The following PCDHA3 variants were observed in gnomAD, a reference collection of about 807,000 sequenced individuals.
The protein encoded by PCDHA3 is protocadherin alpha 3.
Under a neutral mutation model 62.2 loss-of-function variants are expected in PCDHA3, and 41 were observed. The observed-to-expected ratio is 0.66, with a 90% CI of 0.51 to 0.86. PCDHA3 has a LOEUF of 0.86. Ranked by LOEUF, PCDHA3 falls within the 40% of genes least tolerant of loss-of-function variation. The pLI is 0.00. For synonymous variants in PCDHA3, 640 were observed against 555.4 expected (o/e 1.15, Z -2.14); for missense variants, 1,304 against 1,241.2 (o/e 1.05, Z -0.76).
rs371780452 is a variant in PCDHA3 at position 140,802,486 on chromosome 5, G to C, written c.1289G>C (p.Gly430Ala). The change falls in exon 1 of 4, where the codon GGG becomes GCG. Residue 430 changes from glycine (G) to alanine (A), a missense_variant. By Grantham distance (60) the Gly-to-Ala change is moderately conservative. Coordinates refer to ENST00000522353, the MANE Select transcript of PCDHA3 (RefSeq NM_018906.3). Reference protein sequence around the residue: ...AYELVVTARDGGSPSLWATAS... With the variant: ...AYELVVTARDAGSPSLWATAS... Reference sequence around the variant, plus strand: ...GAGCTGGTGGTGACTGCTCGGGACGGGGGCTCGCCTTCACTGTGGGCCACG... The same window carrying C: ...GAGCTGGTGGTGACTGCTCGGGACGCGGGCTCGCCTTCACTGTGGGCCACG... 5 of 1,614,048 alleles carry C rather than the reference G, an allele frequency of 3.1e-6. No individual in the cohort carries two copies. The highest frequency in any genetic ancestry group is 1.1e-5 in the South Asian group (1 of 91,090).
rs1440009442 is a variant in PCDHA3, at chr5:140,964,448, A to G, written c.2395-14501A>G. Among the ~76,000 whole-genome samples the G allele has an allele frequency of 3.3e-5, 5 of 152,212 alleles. No homozygotes were observed. The South Asian group carries it at 8.3e-4, about 25-fold the overall frequency. On this transcript the variant is annotated intron_variant, in intron 1 of 3. Transcript: ENST00000522353. ...AAAATTACCAAGCCTCTGCCACTGT[A>G]ATCTCTTCCTTAAGTGCCTATGATT...
At chr5:140,856,761 C>G (rs377564040) in intron 1 of PCDHA3, 2 of 1,596,598 alleles carry the variant, frequency 1.3e-6, no homozygotes, top group South Asian at 2.2e-5. Context: ...AATGATAACG[C>G]CCCTATCTTT....
intron 1 of PCDHA3, chr5:140,830,343 C>A (rs2150185146): frequency 6.2e-7 from 1 of 1,614,058 alleles, no homozygotes; most frequent in South Asian, 1.1e-5. Flanking sequence ...TGGTCGTACT[C>A]GCAGCAGAGG....
chr5:140,902,846 A>C (rs1119032), intron 1 of PCDHA3, among the ~76,000 whole-genome samples: 2 of 152,088 alleles, frequency 1.3e-5, no homozygotes, highest in African/African-American at 2.4e-5. Context: ...CTTCACTTAG[A>C]AAAATGGCGT....
At chr5:140,862,566 T>C (rs1440139064) in intron 1 of PCDHA3, 1 of 478,068 alleles carries the variant, frequency 2.1e-6, no homozygotes, top group Non-Finnish European at 4.3e-6. Context: ...TGAACCACAA[T>C]GCCCTGGCGT....
chr5:140,950,536 T>A (rs182006309), intron 1 of PCDHA3, among the ~76,000 whole-genome samples: 1 of 152,222 alleles, frequency 6.6e-6, no homozygotes, highest in East Asian at 1.9e-4. Flanking sequence ...TTTTTGTTGC[T>A]CTTGCATGGC....
intron 1 of PCDHA3, chr5:140,848,942 C>A (rs1417497577): frequency 6.2e-7 from 1 of 1,607,226 alleles, no homozygotes; most frequent in African/African-American, 1.4e-5. Flanking sequence ...GGCCGCTTGA[C>A]TCTCGGTTTC....
intron 1 of PCDHA3, among the ~76,000 whole-genome samples, chr5:140,888,467 A>C (rs562447782): frequency 7.2e-5 from 11 of 152,334 alleles, no homozygotes; most frequent in African/African-American, 2.6e-4. Flanking sequence ...TCAAAATGTC[A>C]GTAGTTCCAC....
intron 1 of PCDHA3, among the ~76,000 whole-genome samples, chr5:140,971,368 G>A (rs1433220574): frequency 1.3e-5 from 2 of 152,186 alleles, no homozygotes; most frequent in Non-Finnish European, 2.9e-5. Context: ...TGCCAGGAGA[G>A]TGCATGACTT....
rs782061737 is a variant in PCDHA3 at position 140,807,674 on chromosome 5, G to C, written c.2394+4083G>C. ...AGAGGGCGCCTCGGATGCAGATATC[G>C]GGGAGAACGCCCTGCTCACTTACAG... On this transcript the variant is annotated intron_variant, in intron 1 of 3. Transcript: ENST00000522353. 3.6e-5 allele frequency: 58 copies of C among 1,614,088 alleles called. No individual in the cohort carries two copies. The highest frequency in any genetic ancestry group is 1.6e-4 in the Middle Eastern group (1 of 6,084).
chr5:140,869,224 C>T, intron 1 of PCDHA3: 1 of 1,613,836 alleles, frequency 6.2e-7, no homozygotes, highest in South Asian at 1.1e-5. Context: ...GGAGGCCAAA[C>T]ACGGCACCTT....
intron 1 of PCDHA3, chr5:140,929,284 A>G: frequency 6.2e-7 from 1 of 1,600,764 alleles, no homozygotes; most frequent in Non-Finnish European, 8.5e-7. Flanking sequence ...CTGTATTCAG[A>G]TTCGGAATAG....
chr5:140,809,916 T>C (rs1444779930), intron 1 of PCDHA3: 1 of 176,006 alleles, frequency 5.7e-6, no homozygotes, highest in Non-Finnish European at 1.2e-5. Flanking sequence ...GCTGAAATAA[T>C]AAAGCTCCAT....
chr5:140,821,946 G>T, intron 1 of PCDHA3: 1 of 1,614,176 alleles, frequency 6.2e-7, no homozygotes, highest in Non-Finnish European at 8.5e-7. Flanking sequence ...AGCTGGCGGA[G>T]CTGGTGCCGC....
intron 1 of PCDHA3, among the ~76,000 whole-genome samples, chr5:140,963,002 A>G (rs921334790): frequency 7.2e-5 from 11 of 152,242 alleles, no homozygotes; most frequent in African/African-American, 2.2e-4. Flanking sequence ...TACTAAAAAT[A>G]AGATCTGAAG....
rs2150172253 is a variant in PCDHA3, at chr5:140,829,667, G to A, written c.2394+26076G>A. ...GTACGCGCTGCAGCCGCTGGACCAC[G>A]AGGAGCTAGAGCTGCTGCAGTTTCA... On this transcript the variant is annotated intron_variant, in intron 1 of 3. Coordinates refer to ENST00000522353, the MANE Select transcript of PCDHA3 (RefSeq NM_018906.3). 11 of 1,612,886 alleles carry A rather than the reference G, an allele frequency of 6.8e-6. 1 individual carries two copies. The South Asian group carries it at 8.8e-5, about 13-fold the overall frequency.
intron 1 of PCDHA3, chr5:140,814,690 G>A (rs1224491954): frequency 6.6e-6 from 1 of 152,090 alleles, no homozygotes; most frequent in African/African-American, 2.4e-5. Context: ...ACAACATTAT[G>A]ACTGCTACAT....
At chr5:140,829,291 C>A (rs1224318047) in intron 1 of PCDHA3, 1 of 1,614,130 alleles carries the variant, frequency 6.2e-7, no homozygotes, top group Non-Finnish European at 8.5e-7. Context: ...TGGTGTCCAC[C>A]TTCAAGAATT....
At chr5:140,869,227 G>C (rs782048898) in intron 1 of PCDHA3, 1 of 1,613,788 alleles carries the variant, frequency 6.2e-7, no homozygotes, top group South Asian at 1.1e-5. Context: ...GGCCAAACAC[G>C]GCACCTTCGT....
Sources: gnomAD v4.1 joint callset for allele counts (sites outside exome capture counted in the v4.1 genomes callset) on GRCh38, gnomAD v4.1.1 for gene constraint, MANE v1.5 for transcripts, NCBI Gene and HGNC (gene_info 2026-07-23, HGNC 2026-07-21) for gene names.